Variants in PPP2R5A observed in about 807,000 individuals in gnomAD.
PPP2R5A encodes the protein protein phosphatase 2 regulatory subunit B'alpha.
Under a neutral mutation model 64.2 loss-of-function variants are expected in PPP2R5A, and 25 were observed. The ratio of observed to expected loss-of-function variants is 0.39; its 90% CI spans 0.28 to 0.54. PPP2R5A has a LOEUF of 0.54. Among genes scored for constraint, PPP2R5A ranks in the 20% least tolerant of loss-of-function variants. The pLI, the probability that PPP2R5A is intolerant of heterozygous loss-of-function variation, is 0.67. For missense variants in PPP2R5A, 425 were observed against 576.3 expected (o/e 0.74, Z 2.69); for synonymous variants, 198 against 201.2 (o/e 0.98, Z 0.13).
intron 9 of PPP2R5A, 112 bp downstream of exon 9, chr1:212,356,788 G>A: frequency 7.4e-7 from 1 of 1,344,170 alleles, no homozygotes; most frequent in Non-Finnish European, 1.0e-6. Flanking sequence ...AGCGGGAGAT[G>A]TACACAGACT....
chr1:212,351,056 A>G (rs1435266044), intron 8 of PPP2R5A, among the ~76,000 whole-genome samples: 5 of 151,710 alleles, frequency 3.3e-5, no homozygotes, highest in African/African-American at 1.2e-4. Context: ...AGGCACAAGA[A>G]TCACTTGAAC....
In PPP2R5A at chr1:212,342,231, T is replaced by C; in HGVS notation, c.524T>C (p.Phe175Ser). The C allele has an allele frequency of 6.2e-7, 1 of 1,613,730 alleles. No individual in the cohort carries two copies. Among genetic ancestry groups the C allele is most frequent in the Non-Finnish European group, 8.5e-7 (1 of 1,179,834 alleles). The change falls in exon 4 of 13, where the codon TTC (phenylalanine) becomes TCC (serine). Residue 175 changes from phenylalanine to serine, a missense_variant. Phe to Ser is a radical substitution (Grantham distance 155, BLOSUM62 -2). Coordinates refer to ENST00000261461, the MANE Select transcript of PPP2R5A (RefSeq NM_006243.4). ...TTGAGATTTTTGGAGAGCCCTGATT[T>C]CCAGCCTAGCATTGCAAAACGATAC... Reference protein sequence around the residue: ...FFLRFLESPDFQPSIAKRYID... With the variant: ...FFLRFLESPDSQPSIAKRYID...
chr1:212,311,166 C>T (rs1659022848), intron 1 of PPP2R5A, among the ~76,000 whole-genome samples: 1 of 152,120 alleles, frequency 6.6e-6, no homozygotes, highest in African/African-American at 2.4e-5. Context: ...ACCAGCTGCA[C>T]TATCATATAA....
At position 212,343,566 on chromosome 1, in the gene PPP2R5A, G is replaced by C. The variant is rs183128556; in HGVS notation, c.573+1286G>C. Among the ~76,000 whole-genome samples, 8 of 152,328 alleles carry C rather than the reference G, an allele frequency of 5.3e-5. No homozygotes were observed. The East Asian group carries it at 1.5e-3, about 29-fold the overall frequency. On this transcript the variant is annotated intron_variant, in intron 4 of 12. Transcript: ENST00000261461. ...GATTGATAAATGAAGAACATTGTCA[G>C]CCTAAAATATTTCCTTCAACCATTG...
At chr1:212,322,763 A>ATTTATTTC (rs1402881505) in intron 1 of PPP2R5A, among the ~76,000 whole-genome samples, 25 of 122,796 alleles carry the variant, frequency 2.0e-4, no homozygotes, top group Middle Eastern at 7.8e-3. Context: ...CATTTTATTT[A>ATTTATTTC]TTTATTTATT....
intron 1 of PPP2R5A, among the ~76,000 whole-genome samples, chr1:212,307,706 C>G (rs1052268398): frequency 1.3e-5 from 2 of 152,084 alleles, no homozygotes; most frequent in African/African-American, 4.8e-5. Flanking sequence ...TTTTTAAATA[C>G]AGATTTCAAG....
intron 12 of PPP2R5A, among the ~76,000 whole-genome samples, chr1:212,360,396 A>G (rs1015688222): frequency 2.6e-5 from 4 of 152,206 alleles, no homozygotes; most frequent in African/African-American, 9.6e-5. Flanking sequence ...GGTAGTGATA[A>G]TGTGTAGGGG....
chr1:212,317,952 A>G (rs531264491), intron 1 of PPP2R5A, among the ~76,000 whole-genome samples: 1 of 152,246 alleles, frequency 6.6e-6, no homozygotes, highest in Admixed American at 6.5e-5. Context: ...AATCTCAAAA[A>G]AAAAATTAAA....
At chr1:212,292,747 T>C (rs1307916411) in intron 1 of PPP2R5A, among the ~76,000 whole-genome samples, 2 of 152,192 alleles carry the variant, frequency 1.3e-5, no homozygotes, top group African/African-American at 4.8e-5. Flanking sequence ...TTTATTCTTG[T>C]ACAGACAAGT....
At chr1:212,360,566 A>G (rs1660061570) in intron 12 of PPP2R5A, 72 bp from the exon 13 acceptor site, 9 of 1,308,538 alleles carry the variant, frequency 6.9e-6, no homozygotes, top group Non-Finnish European at 9.3e-6. Context: ...GTTCTCCAGT[A>G]AGCTGTCAAA....
At chr1:212,310,288 C>T (rs1424524981) in intron 1 of PPP2R5A, among the ~76,000 whole-genome samples, 2 of 146,054 alleles carry the variant, frequency 1.4e-5, no homozygotes, top group African/African-American at 4.9e-5. Flanking sequence ...CTCCACACTG[C>T]TGGGTTTTTT....
intron 1 of PPP2R5A, chr1:212,306,641 A>AT (rs1571580631): frequency 6.6e-6 from 1 of 151,978 alleles, no homozygotes; most frequent in African/African-American, 2.4e-5. Flanking sequence ...ATCTACTTGT[A>AT]TTTTTAAATT....
At chr1:212,342,154 A>G in intron 3 of PPP2R5A, 34 bp from the exon 4 acceptor site, 1 of 1,607,874 alleles carries the variant, frequency 6.2e-7, no homozygotes, top group Non-Finnish European at 8.5e-7. Flanking sequence ...TTCTGTAGCC[A>G]TCATCTTAGC....
At chr1:212,318,315 G>A (rs1659198932) in intron 1 of PPP2R5A, among the ~76,000 whole-genome samples, 1 of 151,980 alleles carries the variant, frequency 6.6e-6, no homozygotes, top group South Asian at 2.1e-4. Flanking sequence ...GTAATTCCTA[G>A]ATTGTGCAGT....
Position 212,342,038 on chromosome 1 carries a change from A to ATT in PPP2R5A, c.481-143_481-142dup, listed in dbSNP as rs1186187725. 2.6e-6 allele frequency: 3 copies of ATT among 1,171,426 alleles called. No homozygotes were observed. The East Asian group carries it at 8.6e-5, about 33-fold the overall frequency. 72.6% of individuals were successfully genotyped at this position (1,171,426 alleles called of 1,614,324 possible). On this transcript the variant is annotated intron_variant, in intron 3 of 12. Coordinates refer to ENST00000261461, the MANE Select transcript of PPP2R5A (RefSeq NM_006243.4). The stretch of plus-strand genomic sequence containing the variant: ...GTACAGGTGTGAATTTTTAAAAAAA[A>ATT]TTTTTTTTATCAACTCATTACATTT...
rs1659821727 is a variant in PPP2R5A at position 212,348,464 on chromosome 1, T to C, written c.840T>C (p.His280=). 6.2e-7 allele frequency: 1 copy of C among 1,604,682 alleles called. No individual in the cohort carries two copies. The highest frequency in any genetic ancestry group is 8.5e-7 in the Non-Finnish European group (1 of 1,172,750). The change falls in exon 7 of 13, where the codon CAT becomes CAC. Residue 280 remains histidine, a synonymous_variant. Transcript: ENST00000261461. ...TAATGAAGGTTCTTATTCCTATGCA[T>C]ACTGCAAAAGGATTAGCTTTGTTTC... ...QFLMKVLIPM[H]TAKGLALFHA...
At chr1:212,340,904 C>G (rs1659675195) in intron 3 of PPP2R5A, among the ~76,000 whole-genome samples, 1 of 152,204 alleles carries the variant, frequency 6.6e-6, no homozygotes, top group Non-Finnish European at 1.5e-5. Context: ...ATGTAGCAAT[C>G]TTTCTTTTCC....
At chr1:212,315,890 G>T (rs1659142365) in intron 1 of PPP2R5A, among the ~76,000 whole-genome samples, 1 of 152,054 alleles carries the variant, frequency 6.6e-6, no homozygotes, top group Non-Finnish European at 1.5e-5. Context: ...ATATATATCT[G>T]TTATGATCGC....
chr1:212,311,789 G>A (rs1558143514), intron 1 of PPP2R5A, among the ~76,000 whole-genome samples: 1 of 152,196 alleles, frequency 6.6e-6, no homozygotes, highest in African/African-American at 2.4e-5. Context: ...AAAGCTTATA[G>A]ACTACTGATA....
Sources: allele counts gnomAD v4.1 joint callset (sites outside exome capture counted in the v4.1 genomes callset), GRCh38; gene constraint gnomAD v4.1.1; transcripts MANE v1.5; gene names NCBI Gene and HGNC (gene_info 2026-07-23, HGNC 2026-07-21).